The following KIF17 variants were observed in gnomAD, a reference collection of about 807,000 sequenced individuals.
KIF17 encodes the protein kinesin-like protein KIF17.
In KIF17, 80 loss-of-function variants were observed where a neutral mutation model predicts 96.8. The ratio of observed to expected loss-of-function variants is 0.83; its 90% CI spans 0.69 to 1.00. The LOEUF (loss-of-function observed/expected upper bound fraction) is 1.00, where lower values mean the gene tolerates loss of function less well. KIF17 is among the 50% of genes least tolerant of loss of function. The pLI, the probability that KIF17 is intolerant of heterozygous loss-of-function variation, is 0.00. For missense variants in KIF17, 1,280 were observed against 1,372.9 expected, an observed-to-expected ratio of 0.93 and a Z score of 1.07; for synonymous variants, 567 against 587.5, an observed-to-expected ratio of 0.97 and a Z score of 0.51.
chr1:20,681,828 T>C lies in KIF17; in HGVS notation c.2463+825A>G, dbSNP rs138509888. ...CTCTCTCTCAGTTCCCCCAGAAGTC[T>C]CTACCTCCAGGAGAATGTCCCTGTC... On this transcript the variant is annotated intron_variant, in intron 11 of 14. Coordinates refer to ENST00000400463, the MANE Select transcript of KIF17 (RefSeq NM_001122819.3). Among the ~76,000 whole-genome samples the C allele has an allele frequency of 4.5e-4, 68 of 152,266 alleles. 1 individual carries two copies. The East Asian group carries it at 0.012, about 27-fold the overall frequency.
chr1:20,717,289 A>C, intron 1 of KIF17, 187 bp downstream of exon 1: 2 of 626,750 alleles, frequency 3.2e-6, no homozygotes, highest in Non-Finnish European at 5.5e-6. Flanking sequence ...GCAGACCCGG[A>C]GGCGACATTA....
intron 11 of KIF17, among the ~76,000 whole-genome samples, chr1:20,674,919 G>A (rs1298182348): frequency 6.6e-6 from 1 of 152,126 alleles, no homozygotes; most frequent in Non-Finnish European, 1.5e-5. Flanking sequence ...GGAGGCCGAG[G>A]TGGATGGATC....
rs2053914466 is a variant in KIF17, at chr1:20,685,097, C to T, written c.2020-77G>A. On this transcript the variant is annotated intron_variant, in intron 9 of 14. Coordinates refer to ENST00000400463, the MANE Select transcript of KIF17 (RefSeq NM_001122819.3). This position sits in a 1 kb window ranked among gnomAD's most constrained non-coding sequence, Gnocchi z 4.1. ...GCCGACAGCTCCCAGGTGGCTCAAT[C>T]CCAGACGGGGCCATTCCGCCTGCTG... The T allele has an allele frequency of 8.3e-7, 1 of 1,202,696 alleles. No individual in the cohort carries two copies. The highest frequency in any genetic ancestry group is 2.0e-5 in the Admixed American group (1 of 50,558). The allele number at this position is 1,202,696 out of a possible 1,614,324, so 74.5% of individuals were successfully genotyped here.
Position 20,709,845 on chromosome 1 carries a change from A to C in KIF17, c.481-17T>G, listed in dbSNP as rs2054407221. On this transcript the variant is annotated splice_polypyrimidine_tract_variant and intron_variant, in intron 3 of 14. Coordinates refer to ENST00000400463, the MANE Select transcript of KIF17 (RefSeq NM_001122819.3). This position sits in a 1 kb window ranked among gnomAD's most constrained non-coding sequence, Gnocchi z 4.7. ...CTCCTTCAGCTGAGGGAGGAGGAAC[A>C]GTCAGGGGCGGAACCTCCAGCCGCC... 3 of 1,589,998 alleles carry C rather than the reference A, an allele frequency of 1.9e-6. No homozygotes were observed. Among genetic ancestry groups the C allele is most frequent in the Non-Finnish European group, 2.6e-6 (3 of 1,168,096 alleles).
chr1:20,685,981 C>T lies in KIF17; in HGVS notation c.2019+65G>A. On this transcript the variant is annotated intron_variant, in intron 9 of 14. Transcript: ENST00000400463. This position sits in a 1 kb window ranked among gnomAD's most constrained non-coding sequence, Gnocchi z 4.1. ...GAAGCTCAGGGAGGGAGAAGACAAGCTGGAGTTTCCCAGGAAGTTGAAGAG... is the reference window on the plus strand; with the variant it reads ...GAAGCTCAGGGAGGGAGAAGACAAGTTGGAGTTTCCCAGGAAGTTGAAGAG... 7.7e-7 allele frequency: 1 copy of T among 1,298,956 alleles called. No individual in the cohort carries two copies. The highest frequency in any genetic ancestry group is 1.1e-6 in the Non-Finnish European group (1 of 917,142). 80.5% of individuals were successfully genotyped at this position (1,298,956 alleles called of 1,614,324 possible). A position where few individuals can be genotyped will look rare whatever the true frequency, so the allele number is the denominator to read the frequency against.
chr1:20,671,601 C>A (rs1451836356), intron 12 of KIF17, among the ~76,000 whole-genome samples: 1 of 152,132 alleles, frequency 6.6e-6, no homozygotes, highest in Non-Finnish European at 1.5e-5. Context: ...TCCCAAAGTG[C>A]TGGGATTACA....
chr1:20,687,531 C>G lies in KIF17; in HGVS notation c.1795G>C (p.Glu599Gln). 6.2e-7 allele frequency: 1 copy of G among 1,613,376 alleles called. No individual in the cohort carries two copies. Among genetic ancestry groups the G allele is most frequent in the Non-Finnish European group, 8.5e-7 (1 of 1,179,478 alleles). The change falls in exon 8 of 15, where the codon GAG becomes CAG. Residue 599 changes from glutamate to glutamine, a missense_variant. Physicochemically the swap from Glu to Gln is conservative, Grantham distance 29. Coordinates refer to ENST00000400463, the MANE Select transcript of KIF17 (RefSeq NM_001122819.3). This position sits in a 1 kb window ranked among gnomAD's most constrained non-coding sequence, Gnocchi z 4.4. ...TGCAGGGGCACCTCCTGCGGCTCCT[C>G]TTGCGGGAGGTAGTTCTGTTCCCCC... ...LLGEQNYLPQ[E>Q]EPQEVPLQGL...
chr1:20,688,024 G>T, intron 7 of KIF17, 80 bp from the exon 8 acceptor site: 1 of 1,211,584 alleles, frequency 8.3e-7, no homozygotes, highest in Non-Finnish European at 1.2e-6. Context: ...TCCAAGCCCA[G>T]TGTGTTGTTT....
chr1:20,698,405 C>G lies in KIF17; in HGVS notation c.1207G>C (p.Glu403Gln). Residue 403 changes from glutamate to glutamine, a missense_variant, in exon 6 of 15, where the codon GAG becomes CAG. By Grantham distance (29) the Glu-to-Gln change is conservative. Coordinates refer to ENST00000400463, the MANE Select transcript of KIF17 (RefSeq NM_001122819.3). Reference sequence around the variant, plus strand: ...TCCCGGATCAGCTGCTTCTCGGCCTCCACGTCATGCTGGATCACAGGTTGG... The same window carrying G: ...TCCCGGATCAGCTGCTTCTCGGCCTGCACGTCATGCTGGATCACAGGTTGG... ...LPQPVIQHDV[E>Q]AEKQLIREEY... The G allele has an allele frequency of 6.2e-7, 1 of 1,613,882 alleles. No individual in the cohort carries two copies. Among genetic ancestry groups the G allele is most frequent in the Non-Finnish European group, 8.5e-7 (1 of 1,179,894 alleles).
At chr1:20,676,603 G>GCA (rs1395149748) in intron 11 of KIF17, among the ~76,000 whole-genome samples, 1 of 152,126 alleles carries the variant, frequency 6.6e-6, no homozygotes, top group African/African-American at 2.4e-5. Flanking sequence ...GGCCAAGGTG[G>GCA]GGCGGATCAC....
Position 20,690,346 on chromosome 1 carries a change from G to A in KIF17, c.1234-11C>T, listed in dbSNP as rs1233284885. Reference sequence around the variant, plus strand: ...GCGCTCTTCATACTCCTGGGGGGGTGGGAGGGACCAGAGGGCAGGCAGCAT... The same window carrying A: ...GCGCTCTTCATACTCCTGGGGGGGTAGGAGGGACCAGAGGGCAGGCAGCAT... On this transcript the variant is annotated splice_polypyrimidine_tract_variant and intron_variant, in intron 6 of 14. Coordinates refer to ENST00000400463, the MANE Select transcript of KIF17 (RefSeq NM_001122819.3). The A allele has an allele frequency of 2.5e-6, 4 of 1,568,698 alleles. No homozygotes were observed. Among genetic ancestry groups the A allele is most frequent in the East Asian group, 2.3e-5 (1 of 43,616 alleles).
chr1:20,687,318 G>C lies in KIF17; in HGVS notation c.1938+70C>G. On this transcript the variant is annotated intron_variant, in intron 8 of 14. Transcript: ENST00000400463. This position sits in a 1 kb window ranked among gnomAD's most constrained non-coding sequence, Gnocchi z 4.4. Reference sequence around the variant, plus strand: ...CATGTGTGTGAACAGTGTGTGCACAGTGAGCTCCGGGCCCTGGGCAAGCTC... The same window carrying C: ...CATGTGTGTGAACAGTGTGTGCACACTGAGCTCCGGGCCCTGGGCAAGCTC... The C allele has an allele frequency of 1.3e-6, 2 of 1,536,146 alleles. No individual in the cohort carries two copies. Among genetic ancestry groups the C allele is most frequent in the Non-Finnish European group, 1.8e-6 (2 of 1,111,660 alleles).
At chr1:20,714,441 G>T (rs1281889153) in intron 2 of KIF17, among the ~76,000 whole-genome samples, 2 of 152,294 alleles carry the variant, frequency 1.3e-5, no homozygotes, top group East Asian at 1.9e-4. Flanking sequence ...AGTGAGCCAA[G>T]ATCGCGCCAT....
rs540419070 is a variant in KIF17, at chr1:20,715,695, G to A, written c.232-56C>T. 1.1e-5 allele frequency: 18 copies of A among 1,605,338 alleles called. 1 individual carries two copies. Among genetic ancestry groups the A allele is most frequent in the South Asian group, 8.8e-5 (8 of 90,844 alleles). ...CAGTGGAGCAGGCACAGCAGGGCTC[G>A]GGACAGGGCTCCCTAACCCACAGAC... On this transcript the variant is annotated intron_variant, in intron 1 of 14. Transcript: ENST00000400463.
At chr1:20,669,284 T>A (rs2053593372) in intron 13 of KIF17, among the ~76,000 whole-genome samples, 1 of 151,914 alleles carries the variant, frequency 6.6e-6, no homozygotes, top group Non-Finnish European at 1.5e-5. Flanking sequence ...ACGCCTATAA[T>A]CCCAGCACTT....
chr1:20,676,847 A>G (rs2053747583), intron 11 of KIF17, among the ~76,000 whole-genome samples: 1 of 152,122 alleles, frequency 6.6e-6, no homozygotes. Context: ...ATAAAATAAA[A>G]TAAACAACAA....
chr1:20,708,624 G>A lies in KIF17; in HGVS notation c.670+1015C>T, dbSNP rs183486176. Among the ~76,000 whole-genome samples, 157 of 152,260 alleles carry A rather than the reference G, an allele frequency of 1.0e-3. 1 individual carries two copies. The highest frequency in any genetic ancestry group is 3.4e-3 in the African/African-American group (141 of 41,550). On this transcript the variant is annotated intron_variant, in intron 4 of 14. Transcript: ENST00000400463. ...GAAAACCCAGACATCACGGAGACCC[G>A]GGTTCAAATCCCAGCTCCACCAATT...
At position 20,709,112 on chromosome 1, in the gene KIF17, C is replaced by T. The variant is rs1473555995; in HGVS notation, c.670+527G>A. Among the ~76,000 whole-genome samples the T allele has an allele frequency of 1.3e-5, 2 of 152,182 alleles. No individual in the cohort carries two copies. The highest frequency in any genetic ancestry group is 2.4e-5 in the African/African-American group (1 of 41,426). On this transcript the variant is annotated intron_variant, in intron 4 of 14. Transcript: ENST00000400463. This position sits in a 1 kb window ranked among gnomAD's most constrained non-coding sequence, Gnocchi z 4.7. ...CACACACATTGCCTGGCACACTGGCCGGGCGCAGTGGCTCAAGCCTGTAAT... is the reference window on the plus strand; with the variant it reads ...CACACACATTGCCTGGCACACTGGCTGGGCGCAGTGGCTCAAGCCTGTAAT...
chr1:20,717,549 G>A lies in KIF17; in HGVS notation c.158C>T (p.Thr53Ile), dbSNP rs979546888. The change falls in exon 1 of 15, where the codon ACC becomes ATC. Residue 53 changes from threonine to isoleucine, a missense_variant. Physicochemically the swap from Thr to Ile is moderately conservative, Grantham distance 89. Transcript: ENST00000400463. ...GTCCACGTGGTAGGCGCCGTCGAAG[G>A]TGAACTGCTTGGGCGGCTCGTCGGC... ...GAADEPPKQF[T>I]FDGAYHVDHV... is the part of the protein sequence containing the mutation. 5 of 1,611,650 alleles carry A rather than the reference G, an allele frequency of 3.1e-6. No homozygotes were observed. The highest frequency in any genetic ancestry group is 2.7e-5 in the African/African-American group (2 of 74,896).
Sources: allele counts gnomAD v4.1 joint callset (sites outside exome capture counted in the v4.1 genomes callset), GRCh38; gene constraint gnomAD v4.1.1; non-coding constraint Gnocchi (gnomAD v3.1); transcripts MANE v1.5; gene names NCBI Gene and HGNC (gene_info 2026-07-23, HGNC 2026-07-21).